CCDC66: variants seen among roughly 807,000 people sequenced by gnomAD.
The protein encoded by CCDC66 is coiled-coil domain containing 66.
CCDC66 carries 133 observed loss-of-function variants against 128.3 expected under a neutral mutation model. The ratio of observed to expected loss-of-function variants is 1.04; its 90% confidence interval spans 0.90 to 1.20. The LOEUF is 1.20. Among genes scored for constraint, CCDC66 ranks in the 50% most tolerant of loss-of-function variants. CCDC66 has a pLI of 0.00. For synonymous variants in CCDC66, 387 were observed against 357.0 expected (o/e 1.08, Z -0.95); for missense variants, 1,126 against 1,075.5 (o/e 1.05, Z -0.66).
rs375034029 is a variant in CCDC66 at position 56,593,975 on chromosome 3, C to G, written c.1351C>G (p.Pro451Ala). The G allele has an allele frequency of 7.7e-5, 124 of 1,613,962 alleles. No individual in the cohort carries two copies. The highest frequency in any genetic ancestry group is 9.8e-5 in the Non-Finnish European group (116 of 1,180,036). Residue 451 changes from proline to alanine, a missense_variant, in exon 10 of 18, where the codon CCA (proline) becomes GCA (alanine). Physicochemically the swap from Pro to Ala is conservative, Grantham distance 27 (BLOSUM62 -1). Transcript: ENST00000394672. ...FLRSMTALLDPAQIEERDRRR... is the reference protein window; with the variant it reads ...FLRSMTALLDAAQIEERDRRR... Reference sequence around the variant, plus strand: ...CCGTTCTATGACTGCTCTCTTGGACCCAGCTCAGATTGAGGAACGAGACAG... The same window carrying G: ...CCGTTCTATGACTGCTCTCTTGGACGCAGCTCAGATTGAGGAACGAGACAG...
chr3:56,617,573 G>A lies in CCDC66; in HGVS notation c.2305G>A (p.Glu769Lys), dbSNP rs760046041. The A allele has an allele frequency of 1.2e-6, 2 of 1,606,990 alleles. No individual in the cohort carries two copies. The highest frequency in any genetic ancestry group is 2.2e-5 in the South Asian group (2 of 89,294). ...EIFHSSHQET[E>K]SKLRWHLVKK... ...TTTTCATTCATCTCATCAAGAAACG[G>A]AGTCAAAGTTGAGGTGGCATCTAGT... The change falls in exon 14 of 18, where the codon GAG (glutamate) becomes AAG (lysine). Residue 769 changes from glutamate to lysine, a missense_variant. Transcript: ENST00000394672.
At chr3:56,577,325 C>G (rs1390603780) in intron 7 of CCDC66, among the ~76,000 whole-genome samples, 1 of 151,794 alleles carries the variant, frequency 6.6e-6, no homozygotes, top group Non-Finnish European at 1.5e-5. Context: ...GATATTAGCC[C>G]TTTGTCAGAT....
At chr3:56,613,465 C>A in intron 10 of CCDC66, 124 bp from the exon 11 acceptor site, 1 of 958,236 alleles carries the variant, frequency 1.0e-6, no homozygotes, top group African/African-American at 1.7e-5. Context: ...TGATTGTCTA[C>A]TCATTATTTT....
At position 56,615,209 on chromosome 3, in the gene CCDC66, C is replaced by CA. The variant is rs780742749; in HGVS notation, c.1651dup (p.Arg551LysfsTer11). 6.2e-7 allele frequency: 1 copy of CA among 1,613,924 alleles called. No homozygotes were observed. Among genetic ancestry groups the CA allele is most frequent in the East Asian group, 2.2e-5 (1 of 44,866 alleles). ...ACTGGCACAGAGACTAAAACAAGAACAAAGAATCCGAGAATTGGCGCAAAA... is the reference window on the plus strand; with the variant it reads ...ACTGGCACAGAGACTAAAACAAGAACAAAAGAATCCGAGAATTGGCGCAAAA... On this transcript the variant is annotated frameshift_variant, in exon 12 of 18. Transcript: ENST00000394672. LOFTEE classifies it high-confidence loss of function.
At chr3:56,612,077 T>C (rs896892650) in intron 10 of CCDC66, among the ~76,000 whole-genome samples, 2 of 152,370 alleles carry the variant, frequency 1.3e-5, no homozygotes, top group Non-Finnish European at 2.9e-5. Context: ...AATCTAGTCC[T>C]GCCTCCCATC....
Position 56,563,718 on chromosome 3 carries a change from T to C in CCDC66, c.137T>C (p.Leu46Ser), listed in dbSNP as rs2065432806. Residue 46 changes from leucine to serine, a missense_variant, in exon 4 of 18, where the codon TTA becomes TCA. Transcript: ENST00000394672. ...AAGGCCAAGATTGCAAAATGTCCTTTAAGAACAAAAACTGGGCACATTCTA... is the reference window on the plus strand; with the variant it reads ...AAGGCCAAGATTGCAAAATGTCCTTCAAGAACAAAAACTGGGCACATTCTA... ...GNKAKIAKCP[L>S]RTKTGHILKS... The C allele has an allele frequency of 6.4e-7, 1 of 1,550,816 alleles. No homozygotes were observed. Among genetic ancestry groups the C allele is most frequent in the African/African-American group, 1.4e-5 (1 of 72,896 alleles).
At chr3:56,580,891 G>A (rs191200324) in intron 7 of CCDC66, among the ~76,000 whole-genome samples, 57 of 151,636 alleles carry the variant, frequency 3.8e-4, no homozygotes, top group African/African-American at 1.3e-3. Context: ...TGTGTCTTGG[G>A]GTTGCTCTTC....
intron 11 of CCDC66, among the ~76,000 whole-genome samples, chr3:56,614,085 T>A (rs2075198064): frequency 6.6e-6 from 1 of 152,196 alleles, no homozygotes; most frequent in South Asian, 2.1e-4. Context: ...TAAAAATGGA[T>A]ATGTTTTTAA....
intron 3 of CCDC66, chr3:56,561,014 T>G: frequency 2.2e-6 from 1 of 449,988 alleles, no homozygotes; most frequent in Non-Finnish European, 4.4e-6. Flanking sequence ...AATAAATAGG[T>G]GAAGATGATC....
chr3:56,561,881 G>A (rs143877291), intron 3 of CCDC66, among the ~76,000 whole-genome samples: 123 of 151,938 alleles, frequency 8.1e-4, no homozygotes, highest in African/African-American at 2.4e-3. Flanking sequence ...ACACCTACAG[G>A]TCTCTTTTTT....
chr3:56,563,551 T>C lies in CCDC66; in HGVS notation c.103-133T>C, dbSNP rs192502382. The C allele has an allele frequency of 9.4e-6, 6 of 641,220 alleles. No individual in the cohort carries two copies. The African/African-American group carries it at 1.1e-4, about 12-fold the overall frequency. The allele number at this position is 641,220 out of a possible 1,614,324, so 39.7% of individuals were successfully genotyped here. Reference sequence around the variant, plus strand: ...AAGATTTGCAAGTATTAAGAGTTAGTTTCTTATGGTTATATTACCTAAATA... The same window carrying C: ...AAGATTTGCAAGTATTAAGAGTTAGCTTCTTATGGTTATATTACCTAAATA... On this transcript the variant is annotated intron_variant, in intron 3 of 17. Coordinates refer to ENST00000394672, the MANE Select transcript of CCDC66 (RefSeq NM_001141947.3).
chr3:56,571,998 G>C (rs1435970997), intron 7 of CCDC66, among the ~76,000 whole-genome samples: 1 of 152,180 alleles, frequency 6.6e-6, no homozygotes, highest in Non-Finnish European at 1.5e-5. Flanking sequence ...TGGGATTGTA[G>C]GTGTGAGCCA....
chr3:56,590,871 G>A (rs1158600260), intron 7 of CCDC66, among the ~76,000 whole-genome samples: 1 of 152,210 alleles, frequency 6.6e-6, no homozygotes, highest in African/African-American at 2.4e-5. Flanking sequence ...CAGTTAGCCT[G>A]GGAAAAGAGG....
intron 3 of CCDC66, chr3:56,561,212 C>T (rs2065054304): frequency 2.2e-6 from 1 of 455,450 alleles, no homozygotes; most frequent in Non-Finnish European, 4.4e-6. Context: ...TATCAAGTTC[C>T]TAGATGAAAA....
intron 10 of CCDC66, among the ~76,000 whole-genome samples, chr3:56,608,854 A>G (rs774287690): frequency 9.9e-5 from 15 of 152,170 alleles, no homozygotes; most frequent in Middle Eastern, 3.4e-3. Flanking sequence ...TCTTGATTTC[A>G]TTTTTGGCCC....
intron 10 of CCDC66, among the ~76,000 whole-genome samples, chr3:56,612,816 C>T (rs1276043478): frequency 1.3e-5 from 2 of 152,118 alleles, no homozygotes; most frequent in African/African-American, 4.8e-5. Context: ...GTCCCTGGAC[C>T]AATGTGCTTG....
chr3:56,599,115 G>A (rs1373331274), intron 10 of CCDC66, among the ~76,000 whole-genome samples: 1 of 151,854 alleles, frequency 6.6e-6, no homozygotes, highest in African/African-American at 2.4e-5. Context: ...GGTCTGTTCA[G>A]GTTTTCTATT....
intron 10 of CCDC66, among the ~76,000 whole-genome samples, chr3:56,605,196 C>T (rs1461875069): frequency 6.6e-6 from 1 of 152,016 alleles, no homozygotes. Flanking sequence ...TTCTTAGCTT[C>T]CTTGCATTGG....
intron 15 of CCDC66, 141 bp from the exon 16 acceptor site, chr3:56,619,130 G>A: frequency 1.6e-6 from 1 of 641,350 alleles, no homozygotes; most frequent in Non-Finnish European, 2.6e-6. Context: ...AAGCAGGAGA[G>A]TTGCAGTGAG....
Sources: gnomAD v4.1 joint callset for allele counts (sites outside exome capture counted in the v4.1 genomes callset) on GRCh38, gnomAD v4.1.1 for gene constraint, MANE v1.5 for transcripts, NCBI Gene and HGNC (gene_info 2026-07-23, HGNC 2026-07-21) for gene names.